The following NRXN3 variants were observed in gnomAD, a reference collection of about 807,000 sequenced individuals.
NRXN3 encodes the protein neurexin III.
NRXN3 carries 32 observed loss-of-function variants against 137.6 expected under a neutral mutation model. The observed-to-expected ratio is 0.23, with a 90% CI of 0.18 to 0.31. NRXN3 has a LOEUF of 0.31. NRXN3 is among the 10% of genes least tolerant of loss of function. NRXN3 has a pLI of 1.00. For missense variants in NRXN3, 1,574 were observed against 2,062.5 expected (o/e 0.76, Z 4.59); for synonymous variants, 798 against 784.5 (o/e 1.02, Z -0.29).
At chr14:78,796,438 C>G (rs1282851502) in intron 8 of NRXN3, among the ~76,000 whole-genome samples, 1 of 152,188 alleles carries the variant, frequency 6.6e-6, no homozygotes, top group Non-Finnish European at 1.5e-5. Context: ...CACTGACTAT[C>G]TGGAACAGAA....
rs147240477 is a variant in NRXN3, at chr14:79,595,412, T to C, written c.3445-68366T>C. Reference sequence around the variant, plus strand: ...AGCATGAGAAAATCTTATATTTTCTTTTTGTCTAGAACTCTGCTGTTCAAT... The same window carrying C: ...AGCATGAGAAAATCTTATATTTTCTCTTTGTCTAGAACTCTGCTGTTCAAT... On this transcript the variant is annotated intron_variant, in intron 16 of 20. Transcript: ENST00000335750. Among the ~76,000 whole-genome samples, 874 of 152,322 alleles carry C rather than the reference T, an allele frequency of 5.7e-3. 7 individuals carry two copies. The highest frequency in any genetic ancestry group is 0.02 in the African/African-American group (852 of 41,576).
chr14:78,552,181 A>G (rs2096698580), intron 4 of NRXN3, among the ~76,000 whole-genome samples: 1 of 152,242 alleles, frequency 6.6e-6, no homozygotes, highest in African/African-American at 2.4e-5. Flanking sequence ...TAAAACTTCC[A>G]GAGCCTCAGT....
chr14:78,975,937 C>T (rs1404611094), intron 14 of NRXN3, among the ~76,000 whole-genome samples: 2 of 152,164 alleles, frequency 1.3e-5, no homozygotes, highest in Admixed American at 6.5e-5. Flanking sequence ...GAGCTCTCCA[C>T]GGTACTCCTG....
chr14:79,801,830 G>T (rs1162365724), intron 19 of NRXN3, among the ~76,000 whole-genome samples: 1 of 152,030 alleles, frequency 6.6e-6, no homozygotes, highest in African/African-American at 2.4e-5. Context: ...TGGAAAAAGG[G>T]GGTCAGAAGG....
chr14:79,484,808 G>A (rs1352055405), intron 16 of NRXN3, among the ~76,000 whole-genome samples: 1 of 152,114 alleles, frequency 6.6e-6, no homozygotes, highest in Non-Finnish European at 1.5e-5. Flanking sequence ...TATCTTAAAG[G>A]AATATATTTG....
At chr14:78,287,235 A>C (rs185939787) in intron 3 of NRXN3, among the ~76,000 whole-genome samples, 204 of 152,342 alleles carry the variant, frequency 1.3e-3, no homozygotes, top group Admixed American at 3.0e-3. Context: ...GTGAAGAGGA[A>C]GTAGAAGGGA....
intron 15 of NRXN3, among the ~76,000 whole-genome samples, chr14:79,316,400 T>C (rs1301026325): frequency 6.6e-6 from 1 of 152,144 alleles, no homozygotes; most frequent in African/African-American, 2.4e-5. Flanking sequence ...TCTGAGATGA[T>C]ATTAAAAATA....
At chr14:78,352,928 T>C (rs1275033859) in intron 4 of NRXN3, among the ~76,000 whole-genome samples, 5 of 152,158 alleles carry the variant, frequency 3.3e-5, no homozygotes, top group Non-Finnish European at 4.4e-5. Context: ...TCTGCTCCTG[T>C]CAACACAGTG....
intron 6 of NRXN3, among the ~76,000 whole-genome samples, chr14:78,699,763 CT>C (rs2152799142): frequency 6.6e-6 from 1 of 152,180 alleles, no homozygotes; most frequent in African/African-American, 2.4e-5. Flanking sequence ...AGTTGGTGCC[CT>C]CATCAAATAT....
At chr14:78,547,204 T>C (rs2096644272) in intron 4 of NRXN3, among the ~76,000 whole-genome samples, 1 of 111,562 alleles carries the variant, frequency 9.0e-6, no homozygotes, top group Non-Finnish European at 1.9e-5. Flanking sequence ...ATTGCTCTTT[T>C]TTTTTCATTT....
intron 16 of NRXN3, among the ~76,000 whole-genome samples, chr14:79,505,602 T>TA: frequency 6.6e-6 from 1 of 152,348 alleles, no homozygotes; most frequent in Non-Finnish European, 1.5e-5. Context: ...GAAATGGTTA[T>TA]ACTGGAGAAC....
chr14:78,379,881 G>A (rs1207503964), intron 4 of NRXN3, among the ~76,000 whole-genome samples: 5 of 152,222 alleles, frequency 3.3e-5, no homozygotes, highest in Non-Finnish European at 7.3e-5. Context: ...TAACAGGTAA[G>A]TTCAGCAGTG....
intron 4 of NRXN3, among the ~76,000 whole-genome samples, chr14:78,359,893 C>T (rs1187747669): frequency 1.3e-5 from 2 of 152,130 alleles, no homozygotes; most frequent in African/African-American, 2.4e-5. Context: ...CCTGCCTTCT[C>T]CAGAACCTTA....
At chr14:79,417,524 A>G (rs1026260544) in intron 15 of NRXN3, among the ~76,000 whole-genome samples, 1 of 152,048 alleles carries the variant, frequency 6.6e-6, no homozygotes, top group Non-Finnish European at 1.5e-5. Flanking sequence ...TGCTGCTACC[A>G]TGGCTTCTAG....
intron 15 of NRXN3, among the ~76,000 whole-genome samples, chr14:79,351,684 C>T (rs1231127676): frequency 1.3e-5 from 2 of 152,126 alleles, no homozygotes; most frequent in South Asian, 2.1e-4. Context: ...GCTTTAATAA[C>T]GTGATAACTG....
chr14:78,626,891 T>C (rs966285887), intron 4 of NRXN3, among the ~76,000 whole-genome samples: 1 of 152,238 alleles, frequency 6.6e-6, no homozygotes, highest in African/African-American at 2.4e-5. Flanking sequence ...AGCCATTGCA[T>C]GCCATAACTT....
intron 19 of NRXN3, among the ~76,000 whole-genome samples, chr14:79,781,895 A>G (rs1353491681): frequency 1.3e-5 from 2 of 152,204 alleles, no homozygotes; most frequent in East Asian, 3.8e-4. Context: ...AAAAGGCTTA[A>G]GTGTCCTACA....
chr14:79,489,935 A>T (rs901669846), intron 16 of NRXN3, among the ~76,000 whole-genome samples: 30 of 148,020 alleles, frequency 2.0e-4, no homozygotes, highest in Non-Finnish European at 3.4e-4. Context: ...GCTACTCGGG[A>T]GGCTGAGGCA....
chr14:79,079,752 G>A (rs993467724), intron 15 of NRXN3, among the ~76,000 whole-genome samples: 10 of 152,158 alleles, frequency 6.6e-5, no homozygotes, highest in Non-Finnish European at 1.0e-4. Context: ...CATTTTGGGA[G>A]GCCGAGGCGG....
Sources: allele counts gnomAD v4.1 joint callset (sites outside exome capture counted in the v4.1 genomes callset), GRCh38; gene constraint gnomAD v4.1.1; transcripts MANE v1.5; gene names NCBI Gene and HGNC (gene_info 2026-07-23, HGNC 2026-07-21).